Variants in OXR1 observed in about 807,000 individuals in gnomAD.
The protein encoded by OXR1 is oxidation resistance 1, also known as oxidation resistance protein 1.
Under a neutral mutation model 104.6 loss-of-function variants are expected in OXR1, and 41 were observed. That is an observed-to-expected ratio of 0.39 (90% confidence interval 0.31 to 0.51). The LOEUF is 0.51. OXR1 is among the 20% of genes least tolerant of loss of function. The pLI, the probability that OXR1 is intolerant of heterozygous loss-of-function variation, is 0.77. For missense variants in OXR1, 955 were observed against 1,031.9 expected (o/e 0.93, Z 1.02); for synonymous variants, 348 against 348.4 (o/e 1.00, Z 0.01).
At chr8:106,721,675 A>G (rs1417824845) in intron 11 of OXR1, among the ~76,000 whole-genome samples, 1 of 152,232 alleles carries the variant, frequency 6.6e-6, no homozygotes, top group African/African-American at 2.4e-5. Context: ...ATAAATGTAA[A>G]TATGTTAACT....
At chr8:106,570,247 A>G (rs1292111924) in intron 3 of OXR1, among the ~76,000 whole-genome samples, 1 of 152,112 alleles carries the variant, frequency 6.6e-6, no homozygotes, top group Non-Finnish European at 1.5e-5. Flanking sequence ...CCCTTTGAAG[A>G]TATTTTAGAA....
chr8:106,290,334 C>A (rs905540894), intron 1 of OXR1, among the ~76,000 whole-genome samples: 1 of 152,050 alleles, frequency 6.6e-6, no homozygotes, highest in African/African-American at 2.4e-5. Flanking sequence ...TGTAAGATCT[C>A]AAGCTACAAA....
intron 4 of OXR1, among the ~76,000 whole-genome samples, chr8:106,681,945 T>C (rs1828196685): frequency 6.6e-6 from 1 of 152,202 alleles, no homozygotes; most frequent in African/African-American, 2.4e-5. Flanking sequence ...CCCACAAATA[T>C]GTTATGCTTT....
At position 106,750,805 on chromosome 8, in the gene OXR1, G is replaced by C; in HGVS notation, c.2487-1G>C. 1 of 1,585,462 alleles carries C rather than the reference G, an allele frequency of 6.3e-7. No individual in the cohort carries two copies. The highest frequency in any genetic ancestry group is 8.6e-7 in the Non-Finnish European group (1 of 1,166,714). Reference sequence around the variant, plus strand: ...AACAGATTATTATTTATGTATTGCAGAGGAGAATTTGCGCTTTGGCTTGAT... The same window carrying C: ...AACAGATTATTATTTATGTATTGCACAGGAGAATTTGCGCTTTGGCTTGAT... On this transcript the variant is annotated splice_acceptor_variant, in intron 16 of 16. Transcript: ENST00000517566. LOFTEE classifies it high-confidence loss of function.
At chr8:106,716,365 C>A (rs530445091) in intron 11 of OXR1, among the ~76,000 whole-genome samples, 1 of 26,406 alleles carries the variant, frequency 3.8e-5, no homozygotes, top group South Asian at 9.3e-4. Context: ...TGGCTCACGC[C>A]TGTAATCCCA....
At chr8:106,607,947 A>G (rs1365383963) in intron 3 of OXR1, among the ~76,000 whole-genome samples, 3 of 152,026 alleles carry the variant, frequency 2.0e-5, no homozygotes, top group Non-Finnish European at 2.9e-5. Flanking sequence ...TTACCACTAC[A>G]TTAGACCCGT....
intron 2 of OXR1, among the ~76,000 whole-genome samples, chr8:106,372,150 G>A (rs1033577551): frequency 1.3e-5 from 2 of 152,212 alleles, no homozygotes; most frequent in African/African-American, 4.8e-5. Flanking sequence ...TGGTGGCATG[G>A]GTTCGCAACT....
intron 2 of OXR1, among the ~76,000 whole-genome samples, chr8:106,412,476 A>T (rs1345083208): frequency 6.6e-6 from 1 of 152,156 alleles, no homozygotes; most frequent in Non-Finnish European, 1.5e-5. Flanking sequence ...AACTTATAGC[A>T]TTAGAAACAA....
chr8:106,351,027 T>G (rs1815703236), intron 1 of OXR1, among the ~76,000 whole-genome samples: 1 of 152,178 alleles, frequency 6.6e-6, no homozygotes, highest in Non-Finnish European at 1.5e-5. Flanking sequence ...ATTTAAAAAC[T>G]TATAAAAGTA....
intron 1 of OXR1, among the ~76,000 whole-genome samples, chr8:106,344,504 A>AT (rs1176316267): frequency 1.3e-5 from 2 of 151,922 alleles, no homozygotes; most frequent in Non-Finnish European, 2.9e-5. Context: ...TGCCTGGCTA[A>AT]TTTTTTGTAT....
intron 3 of OXR1, among the ~76,000 whole-genome samples, chr8:106,543,568 T>G (rs1172436844): frequency 6.6e-6 from 1 of 152,200 alleles, no homozygotes; most frequent in African/African-American, 2.4e-5. Context: ...TGATACTGTG[T>G]GTCAGCTAAG....
chr8:106,304,103 A>T (rs1292553159), intron 1 of OXR1, among the ~76,000 whole-genome samples: 1 of 152,186 alleles, frequency 6.6e-6, no homozygotes, highest in Non-Finnish European at 1.5e-5. Flanking sequence ...TCTCTAATTT[A>T]GTTTGTTACT....
chr8:106,282,105 C>A (rs963006043), intron 1 of OXR1, among the ~76,000 whole-genome samples: 2 of 152,122 alleles, frequency 1.3e-5, no homozygotes, highest in African/African-American at 4.8e-5. Context: ...AATCTAAAAT[C>A]TTTCTAAAAT....
At chr8:106,304,984 T>C (rs1009511190) in intron 1 of OXR1, among the ~76,000 whole-genome samples, 1 of 152,084 alleles carries the variant, frequency 6.6e-6, no homozygotes, top group Non-Finnish European at 1.5e-5. Context: ...AGTATAAATA[T>C]TTATATCAAA....
chr8:106,475,238 A>T (rs1821736087), intron 2 of OXR1, among the ~76,000 whole-genome samples: 1 of 151,982 alleles, frequency 6.6e-6, no homozygotes, highest in South Asian at 2.1e-4. Context: ...ATAGTCCATT[A>T]CCACATATTT....
At chr8:106,522,035 G>T (rs1336248156) in intron 3 of OXR1, among the ~76,000 whole-genome samples, 1 of 152,046 alleles carries the variant, frequency 6.6e-6, no homozygotes, top group Non-Finnish European at 1.5e-5. Context: ...TAGCAATGAA[G>T]TTTCATACTA....
In OXR1 at chr8:106,706,471, A is replaced by G. The variant is rs746614603; in HGVS notation, c.950A>G (p.Asp317Gly). 1.3e-6 allele frequency: 2 copies of G among 1,594,410 alleles called. No homozygotes were observed. Among genetic ancestry groups the G allele is most frequent in the Non-Finnish European group, 1.7e-6 (2 of 1,175,034 alleles). ...GAGGAAATAGACTCAAGAATCCGAG[A>G]TGCAGGTAATGATAGTGCCAGCACT... Reference protein sequence around the residue: ...NTEEIDSRIRDAGNDSASTAP... With the variant: ...NTEEIDSRIRGAGNDSASTAP... Residue 317 changes from aspartate to glycine, a missense_variant, in exon 9 of 17, where the codon GAT becomes GGT. Asp to Gly is a moderately conservative substitution (Grantham distance 94, BLOSUM62 -1). Around this residue, in one of 2 missense-constraint regions of OXR1, gnomAD observed 849 missense variants for 852.9 expected, o/e 1.00. Coordinates refer to ENST00000517566, the MANE Select transcript of OXR1 (RefSeq NM_001198533.2).
chr8:106,697,182 CA>C (rs932371818), intron 7 of OXR1, among the ~76,000 whole-genome samples: 4 of 152,052 alleles, frequency 2.6e-5, no homozygotes, highest in Admixed American at 6.5e-5. Context: ...ATTTTGATCC[CA>C]GGGGAAAAGA....
At chr8:106,599,107 A>G (rs1819748244) in intron 3 of OXR1, among the ~76,000 whole-genome samples, 1 of 152,204 alleles carries the variant, frequency 6.6e-6, no homozygotes, top group Non-Finnish European at 1.5e-5. Context: ...ATTTCATTTA[A>G]GGAGCCTAGC....
Sources: gnomAD v4.1 joint callset for allele counts (sites outside exome capture counted in the v4.1 genomes callset) on GRCh38, gnomAD v4.1.1 for gene constraint, gnomAD v4.1.1 regional missense constraint, MANE v1.5 for transcripts, NCBI Gene and HGNC (gene_info 2026-07-23, HGNC 2026-07-21) for gene names.